CABYR: variants seen among roughly 807,000 people sequenced by gnomAD.
The protein encoded by CABYR is calcium-binding tyrosine phosphorylation-regulated protein.
CABYR carries 31 observed loss-of-function variants against 36.1 expected under a neutral mutation model. That is an observed-to-expected ratio of 0.86 (90% CI 0.64 to 1.16). CABYR has a LOEUF of 1.16. Ranked by LOEUF, CABYR falls within the 50% of genes most tolerant of loss-of-function variation. The pLI is 0.00. For missense variants in CABYR, 429 were observed against 455.8 expected (o/e 0.94, Z 0.53); for synonymous variants, 146 against 160.7 (o/e 0.91, Z 0.69).
intron 3 of CABYR, among the ~76,000 whole-genome samples, chr18:24,150,937 G>A (rs1046484032): frequency 6.6e-6 from 1 of 151,838 alleles, no homozygotes; most frequent in Non-Finnish European, 1.5e-5. Flanking sequence ...CCGCCACCAC[G>A]CCCGGCTAAT....
chr18:24,142,260 A>G (rs1233443986), intron 1 of CABYR, among the ~76,000 whole-genome samples: 1 of 152,144 alleles, frequency 6.6e-6, no homozygotes, highest in Non-Finnish European at 1.5e-5. Flanking sequence ...GGGAGGTTGC[A>G]GTTAGCTGAG....
rs373664047 is a variant in CABYR at position 24,159,560 on chromosome 18, C to T, written c.630C>T (p.His210=). 507 of 1,613,948 alleles carry T rather than the reference C, an allele frequency of 3.1e-4. No homozygotes were observed. Among genetic ancestry groups the T allele is most frequent in the Non-Finnish European group, 4.1e-4 (483 of 1,180,022 alleles). ...TAACTGATAAGAATCAACAAGGTCA[C>T]CCATCACCGCCACCTGCACCTGGGC... ...YCLTDKNQQG[H]PSPPPAPGPF... Residue 210 remains histidine (H), a synonymous_variant, in exon 5 of 6, where the codon CAC becomes CAT. Coordinates refer to ENST00000399496, the MANE Select transcript of CABYR (RefSeq NM_153769.3).
chr18:24,142,046 C>T (rs1055633595), intron 1 of CABYR, among the ~76,000 whole-genome samples: 12 of 152,144 alleles, frequency 7.9e-5, no homozygotes, highest in Admixed American at 6.5e-5. Flanking sequence ...GAGCAATGGT[C>T]GGGCACGGTG....
Position 24,156,370 on chromosome 18 carries a change from C to G in CABYR, c.541+328C>G, listed in dbSNP as rs751205534. 2.5e-6 allele frequency: 4 copies of G among 1,614,094 alleles called. No homozygotes were observed. The Admixed American group carries it at 6.7e-5, about 27-fold the overall frequency. On this transcript the variant is annotated intron_variant, in intron 4 of 5. Transcript: ENST00000399496. Reference sequence around the variant, plus strand: ...CAGGCTGATATTGAGGTTATGTCAACTGTTCATATATCATCTGTCTATAAC... The same window carrying G: ...CAGGCTGATATTGAGGTTATGTCAAGTGTTCATATATCATCTGTCTATAAC...
At chr18:24,142,805 G>T (rs2085356394) in intron 1 of CABYR, among the ~76,000 whole-genome samples, 1 of 151,886 alleles carries the variant, frequency 6.6e-6, no homozygotes, top group Admixed American at 6.6e-5. Context: ...GGCCGAGGCG[G>T]GCAGATCATG....
chr18:24,142,211 T>C (rs2085340127), intron 1 of CABYR, among the ~76,000 whole-genome samples: 1 of 151,794 alleles, frequency 6.6e-6, no homozygotes, highest in Non-Finnish European at 1.5e-5. Flanking sequence ...TCCCAGCTAC[T>C]CGGGAGGCTG....
Position 24,159,654 on chromosome 18 carries a change from G to C in CABYR, c.724G>C (p.Val242Leu). The part of the protein sequence containing the change: ...DPQFQQHPPK[V>L]TFPTYVMGDT... ...ACAGTTTCAGCAGCATCCACCAAAA[G>C]TCACTTTTCCAACTTATGTGATGGG... is the stretch of plus-strand genomic sequence containing the variant. The change falls in exon 5 of 6, where the codon GTC becomes CTC. Residue 242 changes from valine (V) to leucine (L), a missense_variant. Coordinates refer to ENST00000399496, the MANE Select transcript of CABYR (RefSeq NM_153769.3). 6.2e-7 allele frequency: 1 copy of C among 1,613,890 alleles called. No homozygotes were observed. The highest frequency in any genetic ancestry group is 1.1e-5 in the South Asian group (1 of 91,054).
intron 3 of CABYR, among the ~76,000 whole-genome samples, chr18:24,153,181 A>G (rs2085682931): frequency 6.6e-6 from 1 of 151,642 alleles, no homozygotes; most frequent in African/African-American, 2.4e-5. Context: ...GGTTAGCAGT[A>G]CAGGAGGTTC....
intron 3 of CABYR, among the ~76,000 whole-genome samples, chr18:24,155,379 G>T (rs1266069551): frequency 6.6e-6 from 1 of 152,198 alleles, no homozygotes; most frequent in South Asian, 2.1e-4. Context: ...GACAGGATAA[G>T]GACAGGAATG....
Position 24,143,172 on chromosome 18 carries a change from GGAATTA to G in CABYR, c.60_65del (p.Ile21_Ser22del). 2 of 1,613,766 alleles carry G rather than the reference GGAATTA, an allele frequency of 1.2e-6. No homozygotes were observed. The highest frequency in any genetic ancestry group is 1.7e-6 in the Non-Finnish European group (2 of 1,179,796). On this transcript the variant is annotated inframe_deletion, in exon 2 of 6. Coordinates refer to ENST00000399496, the MANE Select transcript of CABYR (RefSeq NM_153769.3). ...CTATGGCCTCAAGACTCTGCTCGAG[GGAATTA>G]GCAGAGCTGTTCTCAAAACCAACCC...
At chr18:24,149,410 A>T (rs2085550538) in intron 3 of CABYR, among the ~76,000 whole-genome samples, 2 of 152,080 alleles carry the variant, frequency 1.3e-5, no homozygotes, top group African/African-American at 4.8e-5. Flanking sequence ...GAGAGTGCCG[A>T]TTGGTGTACT....
rs746554705 is a variant in CABYR, at chr18:24,159,680, C to T, written c.750C>T (p.Gly250=). The T allele has an allele frequency of 2.2e-5, 36 of 1,613,676 alleles. No individual in the cohort carries two copies. Among genetic ancestry groups the T allele is most frequent in the African/African-American group, 6.7e-5 (5 of 74,748 alleles). ...TCACTTTTCCAACTTATGTGATGGG[C>T]GACACCAAGAAGACCAGTGCCCCAC... ...PKVTFPTYVM[G]DTKKTSAPPF... is the part of the protein sequence containing the mutation. The change falls in exon 5 of 6, where the codon GGC becomes GGT. Residue 250 remains glycine (G), a synonymous_variant. Transcript: ENST00000399496.
rs754062624 is a variant in CABYR at position 24,155,895 on chromosome 18, G to A, written c.394G>A (p.Glu132Lys). The A allele has an allele frequency of 8.7e-6, 14 of 1,614,032 alleles. No homozygotes were observed. The highest frequency in any genetic ancestry group is 1.1e-5 in the Non-Finnish European group (13 of 1,180,044). ...ATCAGTTTATGCTGTGCCAGGCACTGAGCAAACGGAAGCAGTTGGTGGTCT... is the reference window on the plus strand; with the variant it reads ...ATCAGTTTATGCTGTGCCAGGCACTAAGCAAACGGAAGCAGTTGGTGGTCT... ...FPSVYAVPGTEQTEAVGGLSS... is the reference protein window; with the variant it reads ...FPSVYAVPGTKQTEAVGGLSS... Residue 132 changes from glutamate to lysine, a missense_variant, in exon 4 of 6, where the codon GAG (glutamate) becomes AAG (lysine). Transcript: ENST00000399496.
At chr18:24,154,102 CAAAAAAA>C (rs33985751) in intron 3 of CABYR, among the ~76,000 whole-genome samples, 19 of 57,432 alleles carry the variant, frequency 3.3e-4, no homozygotes, top group African/African-American at 1.2e-3. Context: ...GACTCCATCT[CAAAAAAA>C]AAAAAAAAAA....
At chr18:24,158,042 G>A (rs1213844808) in intron 4 of CABYR, among the ~76,000 whole-genome samples, 4 of 152,184 alleles carry the variant, frequency 2.6e-5, no homozygotes, top group African/African-American at 9.6e-5. Context: ...CGCTGGGAGT[G>A]GAGCGTGTGG....
chr18:24,154,953 A>G (rs932947397), intron 3 of CABYR, among the ~76,000 whole-genome samples: 16 of 152,326 alleles, frequency 1.1e-4, no homozygotes, highest in Middle Eastern at 3.4e-3. Flanking sequence ...ATCACACATT[A>G]TTAGCAGGTG....
chr18:24,150,066 C>T (rs1251118131), intron 3 of CABYR, among the ~76,000 whole-genome samples: 2 of 152,252 alleles, frequency 1.3e-5, no homozygotes, highest in Non-Finnish European at 2.9e-5. Flanking sequence ...AGAGGAGGCG[C>T]CAAGAGCGAG....
At chr18:24,139,763 T>C (rs1448445304) in intron 1 of CABYR, 1 of 152,192 alleles carries the variant, frequency 6.6e-6, no homozygotes, top group South Asian at 2.1e-4. Flanking sequence ...TGTAGGACGT[T>C]TAGCGTCCCT....
intron 3 of CABYR, among the ~76,000 whole-genome samples, chr18:24,144,771 A>G (rs754732712): frequency 6.6e-6 from 1 of 152,260 alleles, no homozygotes; most frequent in Non-Finnish European, 1.5e-5. Flanking sequence ...CAATAGCCCA[A>G]AAGACTCACT....
Sources: allele counts gnomAD v4.1 joint callset (sites outside exome capture counted in the v4.1 genomes callset), GRCh38; gene constraint gnomAD v4.1.1; transcripts MANE v1.5; gene names NCBI Gene and HGNC (gene_info 2026-07-23, HGNC 2026-07-21).